The following KALRN variants were observed in gnomAD, a reference collection of about 807,000 sequenced individuals.
KALRN encodes the protein kalirin RhoGEF kinase.
In KALRN, 70 loss-of-function variants were observed where a neutral mutation model predicts 353.7. That is an observed-to-expected ratio of 0.20 (90% CI 0.16 to 0.24). KALRN has a LOEUF of 0.24. Among genes scored for constraint, KALRN ranks in the 10% least tolerant of loss-of-function variants. The pLI is 1.00. For missense variants in KALRN, 2,791 were observed against 3,756.7 expected (o/e 0.74, Z 6.72); for synonymous variants, 1,391 against 1,434.8 (o/e 0.97, Z 0.69).
chr3:124,697,922 A>C (rs1225414812), intron 55 of KALRN, among the ~76,000 whole-genome samples, 198 bp downstream of exon 55: 1 of 152,114 alleles, frequency 6.6e-6, no homozygotes, highest in Non-Finnish European at 1.5e-5. Context: ...TTGGCCTCCC[A>C]AAGTGCTGGG....
At chr3:124,408,892 C>G (rs1488166000) in intron 13 of KALRN, among the ~76,000 whole-genome samples, 1 of 152,196 alleles carries the variant, frequency 6.6e-6, no homozygotes, top group Non-Finnish European at 1.5e-5. Flanking sequence ...GCTAAACCAA[C>G]TCCTATGAAG....
rs6802372 is a variant in KALRN at position 124,385,344 on chromosome 3, C to T, written c.1962+308C>T. 6.6e-3 allele frequency among the ~76,000 whole-genome samples: 1,005 copies of T among 152,210 alleles called. 10 individuals are homozygous for T. The highest frequency in any genetic ancestry group is 0.023 in the African/African-American group (958 of 41,518). Reference sequence around the variant, plus strand: ...GGAATCCCTGATATAGCAATAGTCACTGCAAGAAGAAATGTAAGAGGATCA... The same window carrying T: ...GGAATCCCTGATATAGCAATAGTCATTGCAAGAAGAAATGTAAGAGGATCA... On this transcript the variant is annotated intron_variant, in intron 11 of 59. Transcript: ENST00000682506.
intron 21 of KALRN, among the ~76,000 whole-genome samples, chr3:124,452,930 A>G (rs956274715): frequency 6.6e-6 from 1 of 152,220 alleles, no homozygotes; most frequent in Non-Finnish European, 1.5e-5. Context: ...TCACTTTACC[A>G]AGAGCAGAGA....
chr3:124,491,371 T>C lies in KALRN; in HGVS notation c.4636T>C (p.Phe1546Leu). Residue 1546 changes from phenylalanine to leucine, a missense_variant, in exon 31 of 60, where the codon TTC becomes CTC. Coordinates refer to ENST00000682506, the MANE Select transcript of KALRN (RefSeq NM_001388419.1). ...TEHVEGDPCKFALWSGRTPSS... is the reference protein window; with the variant it reads ...TEHVEGDPCKLALWSGRTPSS... ...GCACGTGGAGGGCGATCCCTGCAAA[T>C]TCGCCTTGTGGTCTGGGCGCACCCC... The C allele has an allele frequency of 6.2e-7, 1 of 1,610,364 alleles. No individual in the cohort carries two copies. The highest frequency in any genetic ancestry group is 8.5e-7 in the Non-Finnish European group (1 of 1,178,138).
At chr3:124,047,671 T>TA (rs1215050649) in intron 1 of KALRN, among the ~76,000 whole-genome samples, 1 of 142,674 alleles carries the variant, frequency 7.0e-6, no homozygotes, top group Non-Finnish European at 1.6e-5. Context: ...TTTTTTTTAT[T>TA]TTTTTTTATT....
chr3:124,426,644 T>C (rs1449976763), intron 15 of KALRN, among the ~76,000 whole-genome samples: 3 of 152,200 alleles, frequency 2.0e-5, no homozygotes, highest in African/African-American at 4.8e-5. Context: ...ATATCTAAGA[T>C]AGATAGCCCA....
chr3:124,426,588 T>G (rs1260297669), intron 15 of KALRN, among the ~76,000 whole-genome samples: 1 of 152,186 alleles, frequency 6.6e-6, no homozygotes, highest in Non-Finnish European at 1.5e-5. Context: ...CAAATGAAAT[T>G]GATTGATGCA....
intron 3 of KALRN, among the ~76,000 whole-genome samples, chr3:124,260,975 A>G (rs2072772269): frequency 6.6e-6 from 1 of 152,004 alleles, no homozygotes; most frequent in Non-Finnish European, 1.5e-5. Flanking sequence ...CCTGTCCCCA[A>G]ACAAAAACAC....
intron 33 of KALRN, among the ~76,000 whole-genome samples, chr3:124,547,069 C>T (rs760055341): frequency 1.1e-4 from 17 of 152,156 alleles, no homozygotes; most frequent in East Asian, 1.9e-4. Flanking sequence ...GGTTTGAAGT[C>T]GACCAAAACC....
intron 1 of KALRN, chr3:124,163,857 T>A (rs1018101549): frequency 3.0e-6 from 3 of 985,348 alleles, no homozygotes; most frequent in African/African-American, 1.7e-5. Context: ...TGCTTTCACC[T>A]CTGCATGACC....
At chr3:124,231,300 T>C (rs565832533) in intron 2 of KALRN, among the ~76,000 whole-genome samples, 23 of 152,360 alleles carry the variant, frequency 1.5e-4, no homozygotes, top group Admixed American at 1.5e-3. Flanking sequence ...ATGTCCTTTG[T>C]ACTACTTAGA....
At chr3:124,164,030 C>G (rs977095238) in intron 1 of KALRN, 1 of 954,430 alleles carries the variant, frequency 1.0e-6, no homozygotes, top group Admixed American at 6.2e-5. Flanking sequence ...AACTCACACA[C>G]TTAACTGTAC....
At chr3:124,382,364 A>G (rs547874070) in intron 10 of KALRN, among the ~76,000 whole-genome samples, 1 of 152,272 alleles carries the variant, frequency 6.6e-6, no homozygotes, top group East Asian at 1.9e-4. Context: ...ATGTATTGTC[A>G]TGTTATTTCT....
chr3:124,043,464 G>T (rs898955376), intron 1 of KALRN, among the ~76,000 whole-genome samples: 2 of 152,136 alleles, frequency 1.3e-5, no homozygotes, highest in Non-Finnish European at 2.9e-5. Context: ...GAGCCTGGAG[G>T]GGTGGATCTC....
At chr3:124,344,565 C>CT (rs1209076762) in intron 9 of KALRN, among the ~76,000 whole-genome samples, 1 of 152,234 alleles carries the variant, frequency 6.6e-6, no homozygotes, top group African/African-American at 2.4e-5. Flanking sequence ...GCCTCAAATA[C>CT]TTTTTCAGTC....
At chr3:124,109,559 T>C (rs2062639772) in intron 1 of KALRN, among the ~76,000 whole-genome samples, 1 of 151,922 alleles carries the variant, frequency 6.6e-6, no homozygotes, top group Non-Finnish European at 1.5e-5. Flanking sequence ...TAGTTTTTTG[T>C]TTGATAATTC....
At chr3:124,502,389 G>A (rs1015307257) in intron 33 of KALRN, among the ~76,000 whole-genome samples, 4 of 152,142 alleles carry the variant, frequency 2.6e-5, no homozygotes, top group African/African-American at 7.2e-5. Context: ...CGTTTGTGTC[G>A]GTTGTGAGCT....
At chr3:124,664,285 G>A (rs2085266122) in intron 45 of KALRN, among the ~76,000 whole-genome samples, 1 of 151,708 alleles carries the variant, frequency 6.6e-6, no homozygotes, top group African/African-American at 2.4e-5. Context: ...GTGTCTGATT[G>A]TGCTGTCTAT....
intron 25 of KALRN, 58 bp downstream of exon 25, chr3:124,462,691 G>A (rs2059967530): frequency 1.0e-6 from 1 of 1,000,932 alleles, no homozygotes; most frequent in Non-Finnish European, 1.6e-6. Context: ...CAGACAACAG[G>A]GTTCCCAAGA....
Sources: gnomAD v4.1 joint callset for allele counts (sites outside exome capture counted in the v4.1 genomes callset) on GRCh38, gnomAD v4.1.1 for gene constraint, MANE v1.5 for transcripts, NCBI Gene and HGNC (gene_info 2026-07-23, HGNC 2026-07-21) for gene names.